The following TMOD3 variants were observed in gnomAD, a reference collection of about 807,000 sequenced individuals.
The protein encoded by TMOD3 is tropomodulin 3.
Under a neutral mutation model 39.2 loss-of-function variants are expected in TMOD3, and 20 were observed. The ratio of observed to expected loss-of-function variants is 0.51; its 90% confidence interval spans 0.36 to 0.74. The LOEUF is 0.74. Ranked by LOEUF, TMOD3 falls within the 30% of genes least tolerant of loss-of-function variation. The probability of loss-of-function intolerance (pLI) is 0.00; values close to 1 mark genes in which losing one functional copy is unlikely to be tolerated. For missense variants in TMOD3, 381 were observed against 412.8 expected (o/e 0.92, Z 0.67); for synonymous variants, 143 against 145.8 (o/e 0.98, Z 0.14).
At chr15:51,849,225 A>G (rs967632729) in intron 1 of TMOD3, among the ~76,000 whole-genome samples, 20 of 152,188 alleles carry the variant, frequency 1.3e-4, no homozygotes, top group African/African-American at 3.9e-4. Flanking sequence ...CTGAGAGACT[A>G]AAGAATGGTG....
At chr15:51,846,104 C>T (rs1957179160) in intron 1 of TMOD3, among the ~76,000 whole-genome samples, 1 of 150,476 alleles carries the variant, frequency 6.6e-6, no homozygotes, top group African/African-American at 2.4e-5. Context: ...TTACTTGAGC[C>T]CAGGAGTTTG....
chr15:51,904,357 C>T (rs2056667264), intron 9 of TMOD3, among the ~76,000 whole-genome samples: 2 of 152,310 alleles, frequency 1.3e-5, no homozygotes, highest in East Asian at 1.9e-4. Context: ...ACTATTGAAT[C>T]CCAACTCTTT....
chr15:51,912,416 A>T lies in TMOD3; in HGVS notation c.*3606A>T, dbSNP rs1243808971. The T allele has an allele frequency of 6.8e-6, 1 of 147,622 alleles. No individual in the cohort carries two copies. Among genetic ancestry groups the T allele is most frequent in the Non-Finnish European group, 1.5e-5 (1 of 67,074 alleles). The allele number at this position is 147,622 out of a possible 1,614,324, so 9.1% of individuals were successfully genotyped here. ...CACTCCAGCATGGGCAACAAGAGTG[A>T]AACTCCGTCTCAAAAAAAAAAAAAT... On this transcript the variant is annotated 3_prime_UTR_variant, in exon 10 of 10. Coordinates refer to ENST00000308580, the MANE Select transcript of TMOD3 (RefSeq NM_014547.5).
At chr15:51,888,034 G>GA (rs1452945016) in intron 4 of TMOD3, among the ~76,000 whole-genome samples, 3 of 152,092 alleles carry the variant, frequency 2.0e-5, no homozygotes, top group Non-Finnish European at 4.4e-5. Flanking sequence ...TCTGAACACC[G>GA]AAAAAGAGTC....
At chr15:51,884,032 C>T (rs1460849184) in intron 3 of TMOD3, among the ~76,000 whole-genome samples, 10 of 152,158 alleles carry the variant, frequency 6.6e-5, no homozygotes, top group East Asian at 3.8e-4. Flanking sequence ...ATACTAAGAT[C>T]GATGGGCATT....
chr15:51,841,234 G>A, intron 1 of TMOD3, among the ~76,000 whole-genome samples: 1 of 152,050 alleles, frequency 6.6e-6, no homozygotes, highest in East Asian at 1.9e-4. Context: ...ATATGATATG[G>A]GACATGATCC....
In TMOD3 at chr15:51,915,388, T is replaced by G. The variant is rs2056728656; in HGVS notation, c.*6578T>G. 2.0e-5 allele frequency: 3 copies of G among 152,214 alleles called. 1 individual carries two copies. Among genetic ancestry groups the G allele is most frequent in the Admixed American group, 1.3e-4 (2 of 15,276 alleles). The allele number at this position is 152,214 out of a possible 1,614,324, so 9.4% of individuals were successfully genotyped here. ...TTTCAAATGTCTTTTTTTCAGTTTT[T>G]TGGATGAATTATTATATTTGGTTTT... On this transcript the variant is annotated 3_prime_UTR_variant, in exon 10 of 10. Coordinates refer to ENST00000308580, the MANE Select transcript of TMOD3 (RefSeq NM_014547.5).
chr15:51,873,328 C>T (rs1337618117), intron 3 of TMOD3, among the ~76,000 whole-genome samples: 1 of 152,170 alleles, frequency 6.6e-6, no homozygotes, highest in Non-Finnish European at 1.5e-5. Context: ...GGTTGAGTCT[C>T]AGATTTTTTA....
chr15:51,837,017 T>G (rs908110270), intron 1 of TMOD3, among the ~76,000 whole-genome samples: 1 of 152,100 alleles, frequency 6.6e-6, no homozygotes, highest in Non-Finnish European at 1.5e-5. Flanking sequence ...CTGAAGTGTC[T>G]GTGAGAAAGT....
chr15:51,862,197 T>G (rs1359970927), intron 1 of TMOD3, among the ~76,000 whole-genome samples: 1 of 152,154 alleles, frequency 6.6e-6, no homozygotes, highest in African/African-American at 2.4e-5. Context: ...CCCACCAACC[T>G]TGTCAGTCAG....
chr15:51,900,448 T>C (rs2056644493), intron 8 of TMOD3, 150 bp downstream of exon 8: 4 of 787,500 alleles, frequency 5.1e-6, no homozygotes, highest in African/African-American at 3.5e-5. Flanking sequence ...TTGGGGTATC[T>C]AGAATATTAA....
chr15:51,886,793 G>T (rs1232850237), intron 3 of TMOD3, among the ~76,000 whole-genome samples: 2 of 152,214 alleles, frequency 1.3e-5, no homozygotes, highest in Admixed American at 1.3e-4. Flanking sequence ...TTGAGGCTTA[G>T]AGGAATAATG....
At chr15:51,901,813 T>A (rs1273883755) in intron 8 of TMOD3, 79 bp from the exon 9 acceptor site, 2 of 1,406,062 alleles carry the variant, frequency 1.4e-6, no homozygotes, top group Non-Finnish European at 1.9e-6. Flanking sequence ...AATTAGCATG[T>A]GCCTGAATGT....
At chr15:51,897,318 T>C (rs1262034932) in intron 7 of TMOD3, among the ~76,000 whole-genome samples, 1 of 152,074 alleles carries the variant, frequency 6.6e-6, no homozygotes, top group Non-Finnish European at 1.5e-5. Flanking sequence ...TCCGTATTCA[T>C]GTCCAGCTAC....
At chr15:51,835,523 G>A (rs550746645) in intron 1 of TMOD3, among the ~76,000 whole-genome samples, 2 of 152,264 alleles carry the variant, frequency 1.3e-5, no homozygotes, top group South Asian at 2.1e-4. Context: ...TTCCCAGGCT[G>A]TCCTTGAACT....
rs1164928639 is a variant in TMOD3 at position 51,887,639 on chromosome 15, A to G, written c.334A>G (p.Lys112Glu). Residue 112 changes from lysine to glutamate, a missense_variant, in exon 4 of 10, where the codon AAA (lysine) becomes GAA (glutamate). Lys to Glu is a moderately conservative substitution (Grantham distance 56, BLOSUM62 1). Transcript: ENST00000308580. ...ACCTGTACAGACTTTTACAGAAGAA[A>G]AAGTGTCTCTTGATCCAGAATTAGA... ...QKPVQTFTEE[K>E]VSLDPELEEA... is the part of the protein sequence containing the mutation. 1 of 1,614,012 alleles carries G rather than the reference A, an allele frequency of 6.2e-7. No homozygotes were observed. The highest frequency in any genetic ancestry group is 1.1e-5 in the South Asian group (1 of 91,044).
chr15:51,893,060 C>T (rs967871450), intron 5 of TMOD3, among the ~76,000 whole-genome samples: 3 of 151,744 alleles, frequency 2.0e-5, no homozygotes, highest in Admixed American at 1.3e-4. Context: ...CTTTGGGAGG[C>T]CAAGGCAGGC....
In TMOD3 at chr15:51,868,705, C is replaced by A. The variant is rs112574945; in HGVS notation, c.127-512C>A. Among the ~76,000 whole-genome samples the A allele has an allele frequency of 7.5e-3, 1,144 of 152,296 alleles. 17 individuals carry two copies. Among genetic ancestry groups the A allele is most frequent in the African/African-American group, 0.026 (1,099 of 41,574 alleles). On this transcript the variant is annotated intron_variant, in intron 2 of 9. Transcript: ENST00000308580. ...AGAAAACGTATGCTGGGCGCGGTGG[C>A]TCACACCTGTAATCCCAACACTTTG...
Position 51,908,800 on chromosome 15 carries a change from A to C in TMOD3, c.1049A>C (p.Asp350Ala), listed in dbSNP as rs2056695276. 1 of 1,608,020 alleles carries C rather than the reference A, an allele frequency of 6.2e-7. No homozygotes were observed. Among genetic ancestry groups the C allele is most frequent in the Non-Finnish European group, 8.5e-7 (1 of 1,177,580 alleles). ...GTGCGTAAGAGACGAGTTGAAGGAG[A>C]TCACCAGTAAGTCTGCAAAGGTGTA... The part of the protein sequence containing the change: ...DLVRKRRVEG[D>A]HQ The change falls in exon 10 of 10, where the codon GAT (aspartate) becomes GCT (alanine). Residue 350 changes from aspartate (D) to alanine (A), a missense_variant. Physicochemically the swap from Asp to Ala is moderately radical, Grantham distance 126 (BLOSUM62 -2). Transcript: ENST00000308580.
Sources: gnomAD v4.1 joint callset for allele counts (sites outside exome capture counted in the v4.1 genomes callset) on GRCh38, gnomAD v4.1.1 for gene constraint, MANE v1.5 for transcripts, NCBI Gene and HGNC (gene_info 2026-07-23, HGNC 2026-07-21) for gene names.